Variants in HACD2 observed in about 807,000 individuals in gnomAD.
The protein encoded by HACD2 is very-long-chain (3R)-3-hydroxyacyl-CoA dehydratase 2.
A neutral mutation model predicts 31.0 loss-of-function variants in HACD2; 15 were observed. The ratio of observed to expected loss-of-function variants is 0.48; its 90% confidence interval spans 0.32 to 0.75. The LOEUF is 0.75. Among genes scored for constraint, HACD2 ranks in the 30% least tolerant of loss-of-function variants. The pLI is 0.03. For synonymous variants in HACD2, 115 were observed against 122.2 expected (o/e 0.94, Z 0.39); for missense variants, 283 against 313.0 (o/e 0.90, Z 0.72).
rs1337389918 is a variant in HACD2, at chr3:123,517,972, CACGAGG to C, written c.381+10408_381+10413del. On this transcript the variant is annotated intron_variant, in intron 4 of 6. Coordinates refer to ENST00000383657, the MANE Select transcript of HACD2 (RefSeq NM_198402.5). ...CTTTGGGAGGCCGAGGCGGGCGGAT[CACGAGG>C]TCAGGAGATCGAGACCATCCCGGCT... is the stretch of plus-strand genomic sequence containing the variant. Among the ~76,000 whole-genome samples, 122 of 1,836 alleles carry C rather than the reference CACGAGG, an allele frequency of 0.066. 57 individuals carry two copies. In the East Asian group the frequency reaches 1, roughly 15 times the overall value. 1.2% of individuals were successfully genotyped at this position (1,836 alleles called of 152,430 possible).
At chr3:123,511,909 C>G (rs1476840572) in intron 4 of HACD2, among the ~76,000 whole-genome samples, 1 of 152,104 alleles carries the variant, frequency 6.6e-6, no homozygotes, top group Non-Finnish European at 1.5e-5. Flanking sequence ...CTGTTAGTTT[C>G]TGATCTGCTG....
Position 123,493,421 on chromosome 3 carries a change from A to T in HACD2, c.*1467T>A, listed in dbSNP as rs1382597245. The T allele has an allele frequency of 1.3e-5, 2 of 152,228 alleles. No homozygotes were observed. Among genetic ancestry groups the T allele is most frequent in the African/African-American group, 4.8e-5 (2 of 41,462 alleles). The allele number at this position is 152,228 out of a possible 1,614,324, so 9.4% of individuals were successfully genotyped here. ...GATATTCGCAATTATATTTTAAATGACAACTACTCAATAAGCTAAACTTTT... is the reference window on the plus strand; with the variant it reads ...GATATTCGCAATTATATTTTAAATGTCAACTACTCAATAAGCTAAACTTTT... On this transcript the variant is annotated 3_prime_UTR_variant, in exon 7 of 7. Coordinates refer to ENST00000383657, the MANE Select transcript of HACD2 (RefSeq NM_198402.5).
At chr3:123,541,665 G>A (rs905505982) in intron 3 of HACD2, among the ~76,000 whole-genome samples, 1 of 152,194 alleles carries the variant, frequency 6.6e-6, no homozygotes, top group Admixed American at 6.5e-5. Context: ...ATAGATGTGA[G>A]GTTGGGAGAA....
intron 1 of HACD2, 111 bp downstream of exon 1, chr3:123,584,762 G>T: frequency 1.2e-6 from 1 of 856,672 alleles, no homozygotes; most frequent in Non-Finnish European, 1.6e-6. Flanking sequence ...ACCCCCCGCC[G>T]GGAATGCACT....
chr3:123,573,347 C>T (rs1024731189), intron 2 of HACD2, among the ~76,000 whole-genome samples: 20 of 152,164 alleles, frequency 1.3e-4, no homozygotes, highest in African/African-American at 4.1e-4. Flanking sequence ...CACCTTTCCA[C>T]TCTCTTCTGG....
intron 2 of HACD2, among the ~76,000 whole-genome samples, chr3:123,576,934 CAG>C (rs2056913735): frequency 6.6e-6 from 1 of 152,166 alleles, no homozygotes; most frequent in Non-Finnish European, 1.5e-5. Flanking sequence ...GTGAGGTCTG[CAG>C]AGTGAGACAG....
chr3:123,526,779 T>C (rs1263762615), intron 4 of HACD2, among the ~76,000 whole-genome samples: 1 of 151,878 alleles, frequency 6.6e-6, no homozygotes, highest in Non-Finnish European at 1.5e-5. Flanking sequence ...AGACATTTAA[T>C]AGCTTTGCAA....
In HACD2 at chr3:123,491,940, C is replaced by G. The variant is rs2055768719; in HGVS notation, c.*2948G>C. ...GCAGGTTGTACCATATCAATGCCAA[C>G]CTTTTATTATAAATGAATAACCAAA... On this transcript the variant is annotated 3_prime_UTR_variant, in exon 7 of 7. Transcript: ENST00000383657. 6.6e-6 allele frequency: 1 copy of G among 152,158 alleles called. No individual in the cohort carries two copies. The highest frequency in any genetic ancestry group is 2.4e-5 in the African/African-American group (1 of 41,420). The allele number at this position is 152,158 out of a possible 1,614,324, so 9.4% of individuals were successfully genotyped here.
intron 3 of HACD2, chr3:123,543,668 A>G (rs889809559): frequency 7.0e-6 from 3 of 426,166 alleles, no homozygotes; most frequent in Non-Finnish European, 1.4e-5. Context: ...TTAAAGGAAA[A>G]AAAACTGTCA....
At chr3:123,561,912 A>G (rs962527690) in intron 3 of HACD2, among the ~76,000 whole-genome samples, 1 of 152,134 alleles carries the variant, frequency 6.6e-6, no homozygotes, top group Non-Finnish European at 1.5e-5. Flanking sequence ...CCTGGGTTCA[A>G]GTGATTCTCC....
At chr3:123,538,202 C>T (rs1374501927) in intron 3 of HACD2, among the ~76,000 whole-genome samples, 3 of 152,110 alleles carry the variant, frequency 2.0e-5, no homozygotes, top group African/African-American at 4.8e-5. Context: ...AGCTCCCGAC[C>T]ACCCCCAGAA....
chr3:123,566,554 T>C (rs986743029), intron 3 of HACD2, among the ~76,000 whole-genome samples: 4 of 151,542 alleles, frequency 2.6e-5, no homozygotes, highest in Non-Finnish European at 5.9e-5. Context: ...AAGGTGCTGG[T>C]ATTACAGGCA....
At chr3:123,582,031 T>C (rs930891026) in intron 2 of HACD2, among the ~76,000 whole-genome samples, 181 bp downstream of exon 2, 1 of 152,206 alleles carries the variant, frequency 6.6e-6, no homozygotes, top group Non-Finnish European at 1.5e-5. Flanking sequence ...CTAAGTTAAA[T>C]GAGATTCTAC....
intron 3 of HACD2, among the ~76,000 whole-genome samples, chr3:123,552,781 A>G (rs2056633268): frequency 6.6e-6 from 1 of 152,176 alleles, no homozygotes; most frequent in Non-Finnish European, 1.5e-5. Flanking sequence ...GATTAAATTC[A>G]GTAAAAAAAA....
intron 4 of HACD2, among the ~76,000 whole-genome samples, chr3:123,514,319 A>T (rs982406910): frequency 6.6e-6 from 1 of 152,110 alleles, no homozygotes; most frequent in Non-Finnish European, 1.5e-5. Context: ...AAACAAATGA[A>T]GTAAAATGCC....
chr3:123,567,797 GAA>G lies in HACD2; in HGVS notation c.274-19_274-18del. 6.8e-7 allele frequency: 1 copy of G among 1,464,568 alleles called. No homozygotes were observed. Among genetic ancestry groups the G allele is most frequent in the East Asian group, 2.4e-5 (1 of 40,916 alleles). 90.7% of individuals were successfully genotyped at this position (1,464,568 alleles called of 1,614,324 possible). On this transcript the variant is annotated intron_variant, in intron 2 of 6. Transcript: ENST00000383657. Reference sequence around the variant, plus strand: ...ATGTAAAATCTAGAGGAAAAAAGGGGAAAAAAGAGGAGAATTAGTAAGAATCA... The same window carrying G: ...ATGTAAAATCTAGAGGAAAAAAGGGGAAAAGAGGAGAATTAGTAAGAATCA...
intron 3 of HACD2, among the ~76,000 whole-genome samples, chr3:123,565,609 C>T (rs1390525668): frequency 2.0e-5 from 3 of 152,042 alleles, no homozygotes; most frequent in African/African-American, 4.8e-5. Flanking sequence ...TATAAGCTAC[C>T]CAATTTATGG....
intron 2 of HACD2, among the ~76,000 whole-genome samples, chr3:123,577,480 G>T (rs2056919865): frequency 6.6e-6 from 1 of 152,006 alleles, no homozygotes; most frequent in Non-Finnish European, 1.5e-5. Flanking sequence ...AATTAGCCGG[G>T]TGTGGTGGCG....
chr3:123,491,771 T>C lies in HACD2; in HGVS notation c.*3117A>G, dbSNP rs2055765323. 2 of 152,666 alleles carry C rather than the reference T, an allele frequency of 1.3e-5. No individual in the cohort carries two copies. The highest frequency in any genetic ancestry group is 6.5e-5 in the Admixed American group (1 of 15,288). 9.5% of individuals were successfully genotyped at this position (152,666 alleles called of 1,614,324 possible). A position where few individuals can be genotyped will look rare whatever the true frequency, so the allele number is the denominator to read the frequency against. On this transcript the variant is annotated 3_prime_UTR_variant, in exon 7 of 7. Transcript: ENST00000383657. Reference sequence around the variant, plus strand: ...GAATCAAAGACTTATAAAATTACAATTTTGGTTTTCACAACATAGAAAAAA... The same window carrying C: ...GAATCAAAGACTTATAAAATTACAACTTTGGTTTTCACAACATAGAAAAAA...
Sources: gnomAD v4.1 joint callset for allele counts (sites outside exome capture counted in the v4.1 genomes callset) on GRCh38, gnomAD v4.1.1 for gene constraint, MANE v1.5 for transcripts, NCBI Gene and HGNC (gene_info 2026-07-23, HGNC 2026-07-21) for gene names.